TARBP1: variants seen among roughly 807,000 people sequenced by gnomAD.
TARBP1 encodes tRNA guanosine 2 -O-methyltransferase TARBP1.
In TARBP1, 144 loss-of-function variants were observed where a neutral mutation model predicts 178.6. The observed-to-expected ratio is 0.81, with a 90% CI of 0.70 to 0.93. The LOEUF is 0.93. Ranked by LOEUF, TARBP1 falls within the 40% of genes least tolerant of loss-of-function variation. The pLI, the probability that TARBP1 is intolerant of heterozygous loss-of-function variation, is 0.00. For missense variants in TARBP1, 2,067 were observed against 2,011.7 expected, an observed-to-expected ratio of 1.03 and a Z score of -0.53; for synonymous variants, 787 against 781.0, an observed-to-expected ratio of 1.01 and a Z score of -0.13.
chr1:234,441,763 G>T (rs146088498), intron 12 of TARBP1, among the ~76,000 whole-genome samples: 70 of 152,258 alleles, frequency 4.6e-4, no homozygotes, highest in African/African-American at 1.6e-3. Flanking sequence ...TGTCTCTAGA[G>T]ATTTGCCTAT....
rs1279700071 is a variant in TARBP1 at position 234,425,522 on chromosome 1, C to G, written c.3444+151G>C. On this transcript the variant is annotated intron_variant, in intron 20 of 29. Transcript: ENST00000040877. ...GGCGTGAGCCACAGTGTGACCAGCC[C>G]TAATCAAGACTGAATTAAAAATACA... The G allele has an allele frequency of 1.2e-5, 10 of 859,838 alleles. No individual in the cohort carries two copies. In the Admixed American group the frequency reaches 2.1e-4, roughly 18 times the overall value. 53.3% of individuals were successfully genotyped at this position (859,838 alleles called of 1,614,324 possible).
chr1:234,450,944 C>T (rs1666696670), intron 9 of TARBP1, among the ~76,000 whole-genome samples: 2 of 152,140 alleles, frequency 1.3e-5, no homozygotes, highest in Admixed American at 6.5e-5. Flanking sequence ...TAAAAAATAA[C>T]GCATTACATA....
chr1:234,465,736 T>C, intron 4 of TARBP1, 28 bp from the exon 5 acceptor site: 1 of 1,449,782 alleles, frequency 6.9e-7, no homozygotes, highest in African/African-American at 1.5e-5. Context: ...AAAAGACACG[T>C]AATTGAAACT....
chr1:234,429,430 C>A lies in TARBP1; in HGVS notation c.2857G>T (p.Val953Leu), dbSNP rs111283864. Residue 953 changes from valine (V) to leucine (L), a missense_variant, in exon 16 of 30, where the codon GTG becomes TTG. Val to Leu is a conservative substitution (Grantham distance 32, BLOSUM62 1). Coordinates refer to ENST00000040877, the MANE Select transcript of TARBP1 (RefSeq NM_005646.4). ...CTCTATCTTACCTTGGGAACCAACA[C>A]TTTCAAGCAATGGAACACTGGTAAA... ...QVLPVFHCLK[V>L]LVPKLLTSSE... is the part of the protein sequence containing the mutation. 2.5e-6 allele frequency: 4 copies of A among 1,612,070 alleles called. No homozygotes were observed. Among genetic ancestry groups the A allele is most frequent in the Non-Finnish European group, 3.4e-6 (4 of 1,179,320 alleles).
At chr1:234,460,686 C>T (rs957778842) in intron 6 of TARBP1, among the ~76,000 whole-genome samples, 4 of 152,198 alleles carry the variant, frequency 2.6e-5, no homozygotes, top group African/African-American at 9.7e-5. Context: ...GGTAATTCTA[C>T]TTCCAGGTAT....
chr1:234,392,601 G>T (rs145474463), intron 28 of TARBP1, 49 bp from the exon 29 acceptor site: 2 of 1,567,250 alleles, frequency 1.3e-6, no homozygotes, highest in East Asian at 4.5e-5. Context: ...TTATAGCCCT[G>T]CTTGGAGTAA....
chr1:234,418,496 A>G (rs1662691219), intron 21 of TARBP1, among the ~76,000 whole-genome samples: 1 of 152,224 alleles, frequency 6.6e-6, no homozygotes, highest in Admixed American at 6.5e-5. Flanking sequence ...AAAGGAAAAG[A>G]CTCAGAAAAG....
intron 15 of TARBP1, 64 bp from the exon 16 acceptor site, chr1:234,429,741 T>C (rs887653341): frequency 1.5e-5 from 18 of 1,194,878 alleles, no homozygotes; most frequent in Non-Finnish European, 1.8e-5. Flanking sequence ...CTTTTGCACG[T>C]AGCACACTAT....
At chr1:234,425,579 A>G (rs1663649353) in intron 20 of TARBP1, 94 bp downstream of exon 20, 1 of 1,309,966 alleles carries the variant, frequency 7.6e-7, no homozygotes, top group Non-Finnish European at 1.1e-6. Context: ...TCCTGACAAA[A>G]GATATTTAGA....
At chr1:234,411,785 C>G (rs1004350359) in intron 22 of TARBP1, among the ~76,000 whole-genome samples, 1 of 152,038 alleles carries the variant, frequency 6.6e-6, no homozygotes, top group Non-Finnish European at 1.5e-5. Context: ...ATTATTATTT[C>G]ATAATCATAG....
intron 5 of TARBP1, among the ~76,000 whole-genome samples, chr1:234,465,235 G>C (rs1165461536): frequency 6.6e-6 from 1 of 152,214 alleles, no homozygotes; most frequent in Non-Finnish European, 1.5e-5. Context: ...GGGAATATGG[G>C]TGAAAGGGAA....
At chr1:234,433,705 C>A in intron 13 of TARBP1, 134 bp from the exon 14 acceptor site, 1 of 843,720 alleles carries the variant, frequency 1.2e-6, no homozygotes, top group Non-Finnish European at 1.8e-6. Context: ...TTCTTTTCTC[C>A]AAGCAGCCTT....
chr1:234,431,096 A>G (rs1558196597), intron 14 of TARBP1, among the ~76,000 whole-genome samples: 1 of 152,224 alleles, frequency 6.6e-6, no homozygotes, highest in Non-Finnish European at 1.5e-5. Context: ...AGTCAGACAC[A>G]GAAAACAACA....
intron 7 of TARBP1, 48 bp from the exon 8 acceptor site, chr1:234,459,374 T>C: frequency 1.4e-6 from 2 of 1,399,310 alleles, no homozygotes; most frequent in Non-Finnish European, 2.0e-6. Context: ...CAAAGACAAT[T>C]CTGATAATTT....
intron 26 of TARBP1, chr1:234,398,155 C>A: frequency 3.5e-6 from 1 of 286,696 alleles, no homozygotes; most frequent in African/African-American, 2.4e-5. Flanking sequence ...ATCAGGCTTC[C>A]TTTGGCTTTT....
At chr1:234,450,154 T>C (rs902798503) in intron 10 of TARBP1, among the ~76,000 whole-genome samples, 5 of 138,928 alleles carry the variant, frequency 3.6e-5, no homozygotes, top group African/African-American at 1.3e-4. Flanking sequence ...AATAAATAAA[T>C]GACTTTGCAT....
At chr1:234,398,574 T>C (rs771047385) in intron 25 of TARBP1, 21 bp from the exon 26 acceptor site, 6 of 1,513,842 alleles carry the variant, frequency 4.0e-6, no homozygotes, top group Non-Finnish European at 5.3e-6. Context: ...AATTATAAAA[T>C]CTAAATTTCT....
At chr1:234,405,790 G>C (rs550825457) in intron 24 of TARBP1, 113 bp downstream of exon 24, 2 of 1,015,554 alleles carry the variant, frequency 2.0e-6, no homozygotes, top group Admixed American at 2.5e-5. Flanking sequence ...GATGCTCCAG[G>C]ACGGCAGCAT....
Position 234,463,905 on chromosome 1 carries a change from G to A in TARBP1, c.1331C>T (p.Ser444Phe), listed in dbSNP as rs1668166287. The A allele has an allele frequency of 1.3e-6, 2 of 1,592,136 alleles. No individual in the cohort carries two copies. Among genetic ancestry groups the A allele is most frequent in the Non-Finnish European group, 1.7e-6 (2 of 1,169,868 alleles). The change falls in exon 6 of 30, where the codon TCT becomes TTT. Residue 444 changes from serine to phenylalanine, a missense_variant. Coordinates refer to ENST00000040877, the MANE Select transcript of TARBP1 (RefSeq NM_005646.4). Reference sequence around the variant, plus strand: ...CTTCTGTAATTTCAGTCCCAATGGAGAACAGCTTCCTATTGGCTGGCCTGG... The same window carrying A: ...CTTCTGTAATTTCAGTCCCAATGGAAAACAGCTTCCTATTGGCTGGCCTGG... ...RSPGQPIGSC[S>F]PLGLKLQKFL...
Sources: gnomAD v4.1 joint callset for allele counts (sites outside exome capture counted in the v4.1 genomes callset) on GRCh38, gnomAD v4.1.1 for gene constraint, MANE v1.5 for transcripts, NCBI Gene and HGNC (gene_info 2026-07-23, HGNC 2026-07-21) for gene names.